AGBL1: variants seen among roughly 807,000 people sequenced by gnomAD.
AGBL1 encodes AGBL carboxypeptidase 1.
In AGBL1, 130 loss-of-function variants were observed where a neutral mutation model predicts 118.9. The observed-to-expected ratio is 1.09, with a 90% confidence interval of 0.95 to 1.26. The LOEUF is 1.26. AGBL1 is among the 50% of genes most tolerant of loss of function. AGBL1 has a pLI of 0.00. For missense variants in AGBL1, 1,584 were observed against 1,298.1 expected (o/e 1.22, Z -3.38); for synonymous variants, 555 against 478.9 (o/e 1.16, Z -2.08).
chr15:86,469,215 A>G (rs1394476293), intron 18 of AGBL1, among the ~76,000 whole-genome samples: 1 of 152,184 alleles, frequency 6.6e-6, no homozygotes, highest in Non-Finnish European at 1.5e-5. Flanking sequence ...GTACCATTTG[A>G]CCAACAGCTT....
At chr15:86,722,341 G>T (rs1245250408) in intron 22 of AGBL1, among the ~76,000 whole-genome samples, 2 of 152,186 alleles carry the variant, frequency 1.3e-5, no homozygotes, top group Non-Finnish European at 2.9e-5. Context: ...AGAGCCCTCA[G>T]AAATAATGCC....
chr15:87,003,976 T>C (rs1203537688), intron 24 of AGBL1, among the ~76,000 whole-genome samples: 2 of 152,188 alleles, frequency 1.3e-5, no homozygotes, highest in Admixed American at 1.3e-4. Context: ...TCAGTTCTGC[T>C]CTGATCTTAG....
chr15:86,989,039 T>C (rs1460633497), intron 24 of AGBL1, among the ~76,000 whole-genome samples: 1 of 150,914 alleles, frequency 6.6e-6, no homozygotes, highest in Non-Finnish European at 1.5e-5. Flanking sequence ...TCTTGCTCTA[T>C]TGCCCAGGCT....
At chr15:86,114,240 G>A (rs1897617544) in intron 1 of AGBL1, among the ~76,000 whole-genome samples, 1 of 152,218 alleles carries the variant, frequency 6.6e-6, no homozygotes, top group Admixed American at 6.5e-5. Flanking sequence ...TTTAAAATCT[G>A]CAACTGGCTA....
In AGBL1 at chr15:86,713,518, C is replaced by T. The variant is rs377701676; in HGVS notation, c.3158+39082C>T. ...AAGTATTACATTGGTATCCCCAGTG[C>T]CCATAGAGCACTAGACGGGTTGTGG... On this transcript the variant is annotated intron_variant, in intron 22 of 22. Transcript: ENST00000614907. Among the ~76,000 whole-genome samples, 11 of 152,180 alleles carry T rather than the reference C, an allele frequency of 7.2e-5. No homozygotes were observed. The East Asian group carries it at 1.7e-3, about 24-fold the overall frequency.
chr15:86,631,167 A>G (rs937083814), intron 21 of AGBL1: 2 of 152,398 alleles, frequency 1.3e-5, no homozygotes, highest in African/African-American at 4.8e-5. Context: ...TGGTGACACA[A>G]GTGGCCTTGG....
chr15:86,879,391 C>T (rs1203042695), intron 22 of AGBL1, among the ~76,000 whole-genome samples: 3 of 152,106 alleles, frequency 2.0e-5, no homozygotes, highest in African/African-American at 7.2e-5. Flanking sequence ...AAGAACTTAC[C>T]TGCTGAGTGT....
chr15:86,482,047 A>G (rs1785109086), intron 18 of AGBL1, among the ~76,000 whole-genome samples: 1 of 152,146 alleles, frequency 6.6e-6, no homozygotes, highest in South Asian at 2.1e-4. Flanking sequence ...AGCCTTACTC[A>G]TCGTTCACAG....
chr15:86,953,642 C>T (rs553607412), intron 23 of AGBL1, among the ~76,000 whole-genome samples: 6 of 152,190 alleles, frequency 3.9e-5, no homozygotes, highest in Admixed American at 2.0e-4. Context: ...CCACCCACCT[C>T]GGCCTCCCAA....
At chr15:86,970,264 A>G (rs1489012739) in intron 23 of AGBL1, among the ~76,000 whole-genome samples, 1 of 151,972 alleles carries the variant, frequency 6.6e-6, no homozygotes, top group East Asian at 1.9e-4. Flanking sequence ...CAATTTCAAT[A>G]CAGGAATATT....
rs199891938 is a variant in AGBL1, at chr15:87,019,506, C to T, written c.3324-9319C>T. ...TATAACTACATGGAAATTGAACAAC[C>T]TGCTCCGGAATGATTCTTGGGTAAA... On this transcript the variant is annotated intron_variant, in intron 24 of 24. Transcript: ENST00000441037. 9.2e-5 allele frequency among the ~76,000 whole-genome samples: 14 copies of T among 152,108 alleles called. No homozygotes were observed. The East Asian group carries it at 2.7e-3, about 29-fold the overall frequency.
chr15:86,818,712 A>C lies in AGBL1; in HGVS notation c.3159-88375A>C, dbSNP rs2078899213. On this transcript the variant is annotated intron_variant, in intron 22 of 22. Transcript: ENST00000614907. The stretch of plus-strand genomic sequence containing the variant: ...TGGGAGTTGACAAAGGGGAAAATGC[A>C]TTTCTGGAATAAATACTTGCAGGCC... Among the ~76,000 whole-genome samples the C allele has an allele frequency of 2.6e-5, 4 of 152,098 alleles. No homozygotes were observed. In the South Asian group the frequency reaches 8.3e-4, roughly 32 times the overall value.
At chr15:86,836,454 C>T (rs2079172650) in intron 22 of AGBL1, among the ~76,000 whole-genome samples, 1 of 152,146 alleles carries the variant, frequency 6.6e-6, no homozygotes, top group South Asian at 2.1e-4. Context: ...AAGAAATACT[C>T]CAGACACACC....
At chr15:86,351,404 G>T (rs2080624371) in intron 17 of AGBL1, among the ~76,000 whole-genome samples, 1 of 152,112 alleles carries the variant, frequency 6.6e-6, no homozygotes, top group African/African-American at 2.4e-5. Flanking sequence ...GTTTGGAGGG[G>T]ACAGGTATTC....
At chr15:86,338,791 G>A (rs953123575) in intron 17 of AGBL1, among the ~76,000 whole-genome samples, 1 of 152,124 alleles carries the variant, frequency 6.6e-6, no homozygotes, top group Admixed American at 6.5e-5. Context: ...CGTAAAGCTA[G>A]AGCTTCCTGG....
chr15:86,789,520 A>G lies in AGBL1; in HGVS notation c.3158+115084A>G, dbSNP rs555918730. Among the ~76,000 whole-genome samples the G allele has an allele frequency of 2.0e-5, 3 of 152,190 alleles. No homozygotes were observed. In the East Asian group the frequency reaches 5.8e-4, roughly 29 times the overall value. On this transcript the variant is annotated intron_variant, in intron 22 of 22. Coordinates refer to ENST00000614907, the MANE Select transcript of AGBL1 (RefSeq NM_001386094.1). Reference sequence around the variant, plus strand: ...GCTGAATACAAATGGACTTGATTCCACCCTCTTGGAAAGCTAAGGGGGAGG... The same window carrying G: ...GCTGAATACAAATGGACTTGATTCCGCCCTCTTGGAAAGCTAAGGGGGAGG...
chr15:86,303,639 G>A (rs1027607577), intron 17 of AGBL1, among the ~76,000 whole-genome samples: 4 of 152,040 alleles, frequency 2.6e-5, no homozygotes, highest in Admixed American at 6.6e-5. Context: ...CTATTTTAGA[G>A]AGAAATAAAA....
At chr15:86,925,736 A>AT (rs889514394) in intron 23 of AGBL1, among the ~76,000 whole-genome samples, 1 of 67,748 alleles carries the variant, frequency 1.5e-5, no homozygotes, top group Non-Finnish European at 3.2e-5. Context: ...TTTTTTTTTT[A>AT]TTTTTTATTT....
chr15:86,272,129 A>T (rs1344486536), intron 15 of AGBL1, among the ~76,000 whole-genome samples: 1 of 152,198 alleles, frequency 6.6e-6, no homozygotes, highest in Non-Finnish European at 1.5e-5. Context: ...GAGGGTGAAT[A>T]TGTGACAATT....
Sources: allele counts gnomAD v4.1 joint callset (sites outside exome capture counted in the v4.1 genomes callset), GRCh38; gene constraint gnomAD v4.1.1; transcripts MANE v1.5; gene names NCBI Gene and HGNC (gene_info 2026-07-23, HGNC 2026-07-21).